The following TMOD4 variants were observed in gnomAD, a reference collection of about 807,000 sequenced individuals.
The protein encoded by TMOD4 is tropomodulin-4.
A neutral mutation model predicts 45.4 loss-of-function variants in TMOD4; 34 were observed. That is an observed-to-expected ratio of 0.75 (90% confidence interval 0.57 to 1.00). TMOD4 has a LOEUF of 1.00. TMOD4 is among the 50% of genes least tolerant of loss of function. The pLI, the probability that TMOD4 is intolerant of heterozygous loss-of-function variation, is 0.00. For synonymous variants in TMOD4, 131 were observed against 153.9 expected, an observed-to-expected ratio of 0.85 and a Z score of 1.10; for missense variants, 399 against 437.5, an observed-to-expected ratio of 0.91 and a Z score of 0.78.
In TMOD4 at chr1:151,172,310, C is replaced by T. The variant is rs1337438378; in HGVS notation, c.445G>A (p.Ala149Thr). The change falls in exon 5 of 10, where the codon GCC becomes ACC. Residue 149 changes from alanine to threonine, a missense_variant. Ala to Thr is a moderately conservative substitution (Grantham distance 58). Coordinates refer to ENST00000295314, the MANE Select transcript of TMOD4 (RefSeq NM_013353.3). ...TTGCAGATTTCTCCACTGCAGAGGGCATCATAGTATTGCTTGTTACTCATC... is the reference window on the plus strand; with the variant it reads ...TTGCAGATTTCTCCACTGCAGAGGGTATCATAGTATTGCTTGTTACTCATC... ...TLMSNKQYYD[A>T]LCSGEICNTE... 1 of 1,613,762 alleles carries T rather than the reference C, an allele frequency of 6.2e-7. No homozygotes were observed. Among genetic ancestry groups the T allele is most frequent in the Non-Finnish European group, 8.5e-7 (1 of 1,179,856 alleles).
chr1:151,174,343 G>C (rs770071604), intron 3 of TMOD4, 48 bp downstream of exon 3: 1 of 1,593,012 alleles, frequency 6.3e-7, no homozygotes, highest in South Asian at 1.1e-5. Context: ...GTGAGAGACA[G>C]CACAGCCACT....
chr1:151,174,971 C>A (rs1307409383), intron 1 of TMOD4, 54 bp from the exon 2 acceptor site: 6 of 1,492,978 alleles, frequency 4.0e-6, no homozygotes, highest in South Asian at 1.2e-5. Flanking sequence ...AGGGACACAG[C>A]AGGGACACAA....
At chr1:151,174,608 C>A in intron 2 of TMOD4, 61 bp from the exon 3 acceptor site, 1 of 1,600,076 alleles carries the variant, frequency 6.2e-7, no homozygotes. Flanking sequence ...ACTGCTAGGG[C>A]TCCCTAAAAC....
rs1033912257 is a variant in TMOD4, at chr1:151,170,060, T to A, written c.*21A>T. 3 of 1,613,970 alleles carry A rather than the reference T, an allele frequency of 1.9e-6. No individual in the cohort carries two copies. Among genetic ancestry groups the A allele is most frequent in the African/African-American group, 2.7e-5 (2 of 75,034 alleles). On this transcript the variant is annotated 3_prime_UTR_variant, in exon 10 of 10. Transcript: ENST00000295314. ...AAGTGTCCAGTGCTCCCAGCGCTAG[T>A]TGGTAAAGGGAAATGCAGTGTTATC...
At chr1:151,171,930 G>A (rs1364154590) in intron 5 of TMOD4, among the ~76,000 whole-genome samples, 167 bp from the exon 6 acceptor site, 4 of 150,772 alleles carry the variant, frequency 2.7e-5, no homozygotes, top group Middle Eastern at 3.4e-3. Flanking sequence ...TTGACCTCCC[G>A]GGTTCAAGAA....
chr1:151,171,134 G>A, intron 7 of TMOD4, 71 bp from the exon 8 acceptor site: 4 of 1,526,266 alleles, frequency 2.6e-6, no homozygotes, highest in Non-Finnish European at 3.6e-6. Context: ...AAGAACAGGA[G>A]CAAGAGGGAA....
intron 1 of TMOD4, 84 bp from the exon 2 acceptor site, chr1:151,175,001 A>ATG: frequency 9.3e-7 from 1 of 1,080,208 alleles, no homozygotes; most frequent in Non-Finnish European, 1.4e-6. Context: ...CCAGGGGGGC[A>ATG]GAACATTGGA....
chr1:151,170,170 T>G, intron 9 of TMOD4, 67 bp from the exon 10 acceptor site: 2 of 1,580,858 alleles, frequency 1.3e-6, no homozygotes, highest in Non-Finnish European at 8.7e-7. Context: ...GGCACTCTTC[T>G]CCTTTCCAGT....
At chr1:151,173,967 G>A (rs977760947) in intron 3 of TMOD4, among the ~76,000 whole-genome samples, 10 of 151,916 alleles carry the variant, frequency 6.6e-5, no homozygotes, top group Admixed American at 3.9e-4. Context: ...TGTAATCCCA[G>A]CACTTTGGGA....
Position 151,173,503 on chromosome 1 carries a change from A to G in TMOD4, c.393T>C (p.Ile131=). ...CAACTTCCCACAGCTACCCACCTGC[A>G]ATGTCACACATTTCAGCATCTGTGG... ...AHATDAEMCD[I]AAILDMYTLM... is the part of the protein sequence containing the mutation. Residue 131 remains isoleucine (I), a synonymous_variant, in exon 4 of 10, where the codon ATT becomes ATC. Transcript: ENST00000295314. 6.2e-7 allele frequency: 1 copy of G among 1,613,388 alleles called. No individual in the cohort carries two copies. The highest frequency in any genetic ancestry group is 2.2e-5 in the East Asian group (1 of 44,872).
In TMOD4 at chr1:151,171,728, C is replaced by T. The variant is rs201200128; in HGVS notation, c.523G>A (p.Asp175Asn). The change falls in exon 6 of 10, where the codon GAT becomes AAT. Residue 175 changes from aspartate (D) to asparagine (N), a missense_variant. Asp to Asn is a conservative substitution (Grantham distance 23). Coordinates refer to ENST00000295314, the MANE Select transcript of TMOD4 (RefSeq NM_013353.3). ...ATGTTTGTGGGATTTGGGGGTTCAT[C>T]CGGCACTGGCTTATACTTGTCAGGC... is the stretch of plus-strand genomic sequence containing the variant. The part of the protein sequence containing the change: ...VQPDKYKPVP[D>N]EPPNPTNIEE... 8.1e-6 allele frequency: 13 copies of T among 1,614,060 alleles called. No homozygotes were observed. The highest frequency in any genetic ancestry group is 1.1e-5 in the South Asian group (1 of 91,076).
intron 5 of TMOD4, 57 bp from the exon 6 acceptor site, chr1:151,171,820 T>C (rs1380469278): frequency 1.3e-5 from 20 of 1,558,330 alleles, no homozygotes; most frequent in East Asian, 4.5e-5. Flanking sequence ...CTCCTCCCCA[T>C]TGGTTTTCTT....
chr1:151,174,545 G>A lies in TMOD4; in HGVS notation c.126C>T (p.Asn42=). Residue 42 remains asparagine, a splice_region_variant and synonymous_variant, in exon 3 of 10, where the codon AAC becomes AAT. Transcript: ENST00000295314. ...DCELQEMDPE[N]MLLPAGLRQR... is the part of the protein sequence containing the mutation. ...GTCTTAGTCCAGCTGGCAGGAGCAT[G>A]TTCTTAGGGATGAGTTTTGGGGAGC... 1 of 1,613,734 alleles carries A rather than the reference G, an allele frequency of 6.2e-7. No homozygotes were observed. The highest frequency in any genetic ancestry group is 8.5e-7 in the Non-Finnish European group (1 of 1,180,006).
chr1:151,174,387 A>G lies in TMOD4; in HGVS notation c.280+4T>C, dbSNP rs765022531. ...ACGAGGCATGGATGTCAGGGTCCCCATACCCTTCTTCTCGCCTGTGAAGGG... is the reference window on the plus strand; with the variant it reads ...ACGAGGCATGGATGTCAGGGTCCCCGTACCCTTCTTCTCGCCTGTGAAGGG... On this transcript the variant is annotated splice_donor_region_variant and intron_variant, in intron 3 of 9. Coordinates refer to ENST00000295314, the MANE Select transcript of TMOD4 (RefSeq NM_013353.3). 1.2e-6 allele frequency: 2 copies of G among 1,613,984 alleles called. No individual in the cohort carries two copies. Among genetic ancestry groups the G allele is most frequent in the East Asian group, 2.2e-5 (1 of 44,880 alleles).
chr1:151,174,311 A>T (rs587743127), intron 3 of TMOD4, 80 bp downstream of exon 3: 1 of 1,504,992 alleles, frequency 6.6e-7, no homozygotes, highest in East Asian at 2.3e-5. Context: ...GGAAGGTGAG[A>T]GGGAAACTGG....
rs776938185 is a variant in TMOD4, at chr1:151,170,586, G to A, written c.948C>T (p.Gly316=). ...GTGGCCCCTGCTGTGTAAAGTGGTA[G>A]CCAAAGCGGACAATAGAGGGACACT... ...LEQCPSIVRF[G]YHFTQQGPRA... The change falls in exon 9 of 10, where the codon GGC becomes GGT. Residue 316 remains glycine (G), a synonymous_variant. Coordinates refer to ENST00000295314, the MANE Select transcript of TMOD4 (RefSeq NM_013353.3). The A allele has an allele frequency of 6.2e-7, 1 of 1,614,192 alleles. No homozygotes were observed. The highest frequency in any genetic ancestry group is 1.1e-5 in the South Asian group (1 of 91,088).
At position 151,171,061 on chromosome 1, in the gene TMOD4, T is replaced by G. The variant is rs757448465; in HGVS notation, c.729A>C (p.Ala243=). 2 of 1,614,130 alleles carry G rather than the reference T, an allele frequency of 1.2e-6. No homozygotes were observed. The highest frequency in any genetic ancestry group is 1.7e-6 in the Non-Finnish European group (2 of 1,180,020). Residue 243 remains alanine (A), a splice_region_variant and synonymous_variant, in exon 8 of 10, where the codon GCA becomes GCC. Transcript: ENST00000295314. ...GATTCTCACGCAACATGTCAGCCACTGCCTGGGTAGTAGGGACTTGGGTTA... is the reference window on the plus strand; with the variant it reads ...GATTCTCACGCAACATGTCAGCCACGGCCTGGGTAGTAGGGACTTGGGTTA... ...ATRSGDPIAN[A]VADMLRENRS... is the part of the protein sequence containing the mutation.
intron 4 of TMOD4, among the ~76,000 whole-genome samples, chr1:151,172,638 T>G (rs587709174): frequency 6.6e-6 from 1 of 150,936 alleles, no homozygotes; most frequent in African/African-American, 2.4e-5. Context: ...ATGGTTCCAC[T>G]TTTTTTCCCC....
intron 3 of TMOD4, 118 bp downstream of exon 3, chr1:151,174,273 C>T: frequency 3.8e-6 from 4 of 1,065,432 alleles, no homozygotes; most frequent in Non-Finnish European, 5.5e-6. Flanking sequence ...AGTGTCAGGG[C>T]ATCTGAGTCC....
Sources: gnomAD v4.1 joint callset for allele counts (sites outside exome capture counted in the v4.1 genomes callset) on GRCh38, gnomAD v4.1.1 for gene constraint, MANE v1.5 for transcripts, NCBI Gene and HGNC (gene_info 2026-07-23, HGNC 2026-07-21) for gene names.